The following RSPH14 variants were observed in gnomAD, a reference collection of about 807,000 sequenced individuals.
The protein encoded by RSPH14 is radial spoke head 14 homolog, also known as rhabdoid tumor deletion region gene 1.
In RSPH14, 20 loss-of-function variants were observed where a neutral mutation model predicts 26.7. That is an observed-to-expected ratio of 0.75 (90% confidence interval 0.53 to 1.09). The LOEUF is 1.09. RSPH14 is among the 50% of genes least tolerant of loss of function. The pLI is 0.00. For synonymous variants in RSPH14, 177 were observed against 189.3 expected (o/e 0.93, Z 0.53); for missense variants, 449 against 457.2 (o/e 0.98, Z 0.16).
chr22:23,096,468 C>A, intron 4 of RSPH14: 1 of 1,550,516 alleles, frequency 6.4e-7, no homozygotes, highest in Non-Finnish European at 8.7e-7. Flanking sequence ...GTCGTGGGTT[C>A]CTGGAAGCAA....
At chr22:23,165,350 G>A in the RSPH14 span, among the ~76,000 whole-genome samples, 1 of 152,206 alleles carries the variant, frequency 6.6e-6, no homozygotes, top group African/African-American at 2.4e-5. Context: ...GGACAGTTGT[G>A]CCTCATCCCT....
chr22:23,061,873 G>T lies in RSPH14; in HGVS notation c.726C>A (p.Asp242Glu). 1 of 1,614,138 alleles carries T rather than the reference G, an allele frequency of 6.2e-7. No individual in the cohort carries two copies. Among genetic ancestry groups the T allele is most frequent in the Non-Finnish European group, 8.5e-7 (1 of 1,180,022 alleles). The change falls in exon 6 of 7, where the codon GAC becomes GAA. Residue 242 changes from aspartate (D) to glutamate (E), a missense_variant. By Grantham distance (45) the Asp-to-Glu change is conservative (BLOSUM62 2). Coordinates refer to ENST00000216036, the MANE Select transcript of RSPH14 (RefSeq NM_014433.3). ...VIPILVHLLK[D>E]PVEHVKSNAA... ...CGTTAGACTTCACATGCTCCACTGG[G>T]TCTTTCAGCAGATGGACCAGGATGG...
At chr22:23,098,190 G>A (rs1012951071) in intron 4 of RSPH14, among the ~76,000 whole-genome samples, 1 of 152,238 alleles carries the variant, frequency 6.6e-6, no homozygotes, top group Admixed American at 6.5e-5. Context: ...TCTAGCCGTG[G>A]TCAGCTTGTT....
At chr22:23,085,349 A>G (rs931450339) in intron 4 of RSPH14, among the ~76,000 whole-genome samples, 42 of 151,908 alleles carry the variant, frequency 2.8e-4, no homozygotes, top group African/African-American at 9.9e-4. Flanking sequence ...CTTGTTCCCC[A>G]CCATGTCCCC....
At chr22:23,161,575 C>T in the RSPH14 span, 10 of 1,595,334 alleles carry the variant, frequency 6.3e-6, no homozygotes, top group African/African-American at 2.7e-5. Context: ...CTGGGGCCTG[C>T]GTGGAAGGCC....
intron 4 of RSPH14, among the ~76,000 whole-genome samples, chr22:23,072,344 C>T (rs1601742968): frequency 6.6e-6 from 1 of 152,102 alleles, no homozygotes; most frequent in Admixed American, 6.5e-5. Flanking sequence ...ATAAAATATG[C>T]GCCTTGAGCA....
the RSPH14 span, among the ~76,000 whole-genome samples, chr22:23,150,963 C>G: frequency 7.2e-5 from 11 of 152,354 alleles, no homozygotes; most frequent in East Asian, 9.7e-4. Context: ...CCTGCCGCGG[C>G]AGCTCCTGCC....
chr22:23,156,191 G>T, the RSPH14 span: 1 of 612,512 alleles, frequency 1.6e-6, no homozygotes, highest in South Asian at 2.0e-5. Context: ...CAGGGAAGCT[G>T]CCTTCATCCC....
At chr22:23,090,533 C>T (rs947121175) in intron 4 of RSPH14, among the ~76,000 whole-genome samples, 1 of 152,146 alleles carries the variant, frequency 6.6e-6, no homozygotes. Context: ...GCTCCTGACT[C>T]GCCCTTAAGT....
At chr22:23,070,499 C>A (rs1462444471) in intron 4 of RSPH14, 1 of 150,452 alleles carries the variant, frequency 6.6e-6, no homozygotes, top group African/African-American at 2.4e-5. Context: ...GCCGCGGCCC[C>A]GTGCTCGCCG....
At chr22:23,129,815 G>C (rs911250209) in intron 4 of RSPH14, among the ~76,000 whole-genome samples, 11 of 151,794 alleles carry the variant, frequency 7.2e-5, no homozygotes, top group Admixed American at 6.6e-4. Flanking sequence ...AGCTACTCGG[G>C]AGGCTGAGTC....
intron 4 of RSPH14, chr22:23,096,238 G>T: frequency 6.2e-7 from 1 of 1,613,896 alleles, no homozygotes; most frequent in South Asian, 1.1e-5. Context: ...CCCGGGACAT[G>T]ACCACGGGCA....
intron 2 of RSPH14, 31 bp from the exon 3 acceptor site, chr22:23,138,973 A>C: frequency 1.3e-6 from 2 of 1,510,764 alleles, no homozygotes; most frequent in Non-Finnish European, 1.8e-6. Flanking sequence ...AAACAAACCA[A>C]CCCTTGAATT....
the RSPH14 span, chr22:23,156,140 T>C: frequency 2.1e-6 from 2 of 955,892 alleles, no homozygotes; most frequent in Non-Finnish European, 1.6e-6. Flanking sequence ...TTTTTTGTCC[T>C]CCAAGACCCA....
At chr22:23,083,878 T>C (rs1329285527) in intron 4 of RSPH14, among the ~76,000 whole-genome samples, 5 of 152,234 alleles carry the variant, frequency 3.3e-5, no homozygotes. Context: ...GGGATCCTGA[T>C]GCTGCAGTAG....
chr22:23,079,424 G>A (rs1488416603), intron 4 of RSPH14, among the ~76,000 whole-genome samples: 2 of 152,176 alleles, frequency 1.3e-5, no homozygotes, highest in African/African-American at 4.8e-5. Flanking sequence ...GAGGGATGGT[G>A]CTAGAGAGGC....
intron 4 of RSPH14, among the ~76,000 whole-genome samples, chr22:23,107,160 A>G (rs1186598690): frequency 2.0e-5 from 3 of 152,218 alleles, no homozygotes; most frequent in Non-Finnish European, 4.4e-5. Flanking sequence ...TGCTGTTACT[A>G]TGAGCACTAC....
At chr22:23,112,269 G>A (rs1957262534) in intron 4 of RSPH14, among the ~76,000 whole-genome samples, 1 of 152,226 alleles carries the variant, frequency 6.6e-6, no homozygotes, top group Admixed American at 6.5e-5. Flanking sequence ...GCCCTGCCTG[G>A]GGGTCTCTGG....
the RSPH14 span, among the ~76,000 whole-genome samples, chr22:23,176,173 G>A: frequency 5.3e-5 from 8 of 152,222 alleles, no homozygotes; most frequent in African/African-American, 1.9e-4. Context: ...CTGAAGCCCT[G>A]TGCAGGCACC....
Sources: gnomAD v4.1 joint callset for allele counts (sites outside exome capture counted in the v4.1 genomes callset) on GRCh38, gnomAD v4.1.1 for gene constraint, MANE v1.5 for transcripts, NCBI Gene and HGNC (gene_info 2026-07-23, HGNC 2026-07-21) for gene names.